KIF17: variants seen among roughly 807,000 people sequenced by gnomAD.
KIF17 encodes the protein kinesin-like protein KIF17.
KIF17 carries 80 observed loss-of-function variants against 96.8 expected under a neutral mutation model. The ratio of observed to expected loss-of-function variants is 0.83; its 90% confidence interval spans 0.69 to 1.00. The LOEUF is 1.00. Ranked by LOEUF, KIF17 falls within the 50% of genes least tolerant of loss-of-function variation. The pLI, the probability that KIF17 is intolerant of heterozygous loss-of-function variation, is 0.00. For missense variants in KIF17, 1,280 were observed against 1,372.9 expected (o/e 0.93, Z 1.07); for synonymous variants, 567 against 587.5 (o/e 0.97, Z 0.51).
chr1:20,677,850 C>T (rs1423332895), intron 11 of KIF17, among the ~76,000 whole-genome samples: 2 of 152,172 alleles, frequency 1.3e-5, no homozygotes, highest in African/African-American at 4.8e-5. Context: ...AGCGAGACTC[C>T]GTCTCAAAAA....
Position 20,664,148 on chromosome 1 carries a change from A to G in KIF17, c.*436T>C. 3.3e-6 allele frequency: 1 copy of G among 302,854 alleles called. No homozygotes were observed. Among genetic ancestry groups the G allele is most frequent in the South Asian group, 3.5e-5 (1 of 28,720 alleles). The allele number at this position is 302,854 out of a possible 1,614,324, so 18.8% of individuals were successfully genotyped here. The stretch of plus-strand genomic sequence containing the variant: ...CACCCCATGGGGCAGGGCAGTGCTT[A>G]GGAAGTGGGGCCAGTCAGACAGAGG... On this transcript the variant is annotated 3_prime_UTR_variant, in exon 15 of 15. Transcript: ENST00000400463.
intron 7 of KIF17, among the ~76,000 whole-genome samples, chr1:20,688,860 C>T (rs1334591708): frequency 6.6e-6 from 1 of 152,228 alleles, no homozygotes; most frequent in African/African-American, 2.4e-5. Flanking sequence ...CTCCCCTTCC[C>T]CTGGGTCTCC....
downstream of KIF17, among the ~76,000 whole-genome samples, chr1:20,662,191 A>G (rs376706638): frequency 2.4e-4 from 36 of 152,348 alleles, no homozygotes; most frequent in African/African-American, 8.2e-4. Context: ...CAGGTTTTGA[A>G]GCACTTAGCG....
chr1:20,717,840 G>T lies in KIF17; in HGVS notation c.-134C>A, dbSNP rs2054612174. 2 of 794,976 alleles carry T rather than the reference G, an allele frequency of 2.5e-6. No individual in the cohort carries two copies. Among genetic ancestry groups the T allele is most frequent in the East Asian group, 4.7e-5 (1 of 21,446 alleles). 49.2% of individuals were successfully genotyped at this position (794,976 alleles called of 1,614,324 possible). Reference sequence around the variant, plus strand: ...CTTGAGGCAGGGGCGGGGCCGCGGCGGGGGGCGGGGACCCCTCGGGGGGCG... The same window carrying T: ...CTTGAGGCAGGGGCGGGGCCGCGGCTGGGGGCGGGGACCCCTCGGGGGGCG... On this transcript the variant is annotated 5_prime_UTR_variant, in exon 1 of 15. Transcript: ENST00000400463.
chr1:20,697,760 G>T (rs1048004687), intron 6 of KIF17, among the ~76,000 whole-genome samples: 1 of 152,034 alleles, frequency 6.6e-6, no homozygotes, highest in Non-Finnish European at 1.5e-5. Context: ...GAGTGGGGGG[G>T]CCCCCGCCAT....
At chr1:20,688,073 G>GCAAGAC in intron 7 of KIF17, 129 bp from the exon 8 acceptor site, 1 of 780,318 alleles carries the variant, frequency 1.3e-6, no homozygotes, top group Non-Finnish European at 2.1e-6. Flanking sequence ...TTGAGACAGA[G>GCAAGAC]TCTTGCTCTG....
chr1:20,715,108 A>G (rs541425619), intron 2 of KIF17, among the ~76,000 whole-genome samples: 13 of 152,334 alleles, frequency 8.5e-5, no homozygotes, highest in Admixed American at 4.6e-4. Context: ...TGGGGTTATC[A>G]GCTACCTCCT....
At position 20,685,432 on chromosome 1, in the gene KIF17, A is replaced by G. The variant is rs1027070012; in HGVS notation, c.2020-412T>C. Reference sequence around the variant, plus strand: ...CACCGTGGCCTCCTTTTCCATTGCTAAGAAAGTCAAGGTCTTTCCAGCCAT... The same window carrying G: ...CACCGTGGCCTCCTTTTCCATTGCTGAGAAAGTCAAGGTCTTTCCAGCCAT... On this transcript the variant is annotated intron_variant, in intron 9 of 14. Coordinates refer to ENST00000400463, the MANE Select transcript of KIF17 (RefSeq NM_001122819.3). This position sits in a 1 kb window ranked among gnomAD's most constrained non-coding sequence, Gnocchi z 4.1. 46 of 382,486 alleles carry G rather than the reference A, an allele frequency of 1.2e-4. 1 individual carries two copies. Among genetic ancestry groups the G allele is most frequent in the African/African-American group, 8.8e-4 (42 of 47,562 alleles). The allele number at this position is 382,486 out of a possible 1,614,324, so 23.7% of individuals were successfully genotyped here.
chr1:20,689,947 C>T (rs1292454686), intron 7 of KIF17, among the ~76,000 whole-genome samples: 1 of 152,174 alleles, frequency 6.6e-6, no homozygotes, highest in Non-Finnish European at 1.5e-5. Flanking sequence ...TGCTTGGGTT[C>T]AAATCCTGGC....
chr1:20,681,554 G>A (rs2154535646), intron 11 of KIF17, among the ~76,000 whole-genome samples: 1 of 152,018 alleles, frequency 6.6e-6, no homozygotes, highest in Non-Finnish European at 1.5e-5. Flanking sequence ...GTGGGGGCGA[G>A]GGGGTGGGGA....
rs1223623017 is a variant in KIF17 at position 20,695,226 on chromosome 1, C to T, written c.1233+3153G>A. Among the ~76,000 whole-genome samples, 25 of 152,150 alleles carry T rather than the reference C, an allele frequency of 1.6e-4. 1 individual carries two copies. The highest frequency in any genetic ancestry group is 6.5e-5 in the Admixed American group (1 of 15,278). On this transcript the variant is annotated intron_variant, in intron 6 of 14. Transcript: ENST00000400463. ...TTTTTGAGTCAGAGTCTCACTCTGT[C>T]GCCCAGGCTGGAGTGCAGTGGCGCC...
intron 8 of KIF17, among the ~76,000 whole-genome samples, chr1:20,686,669 C>T (rs1294151900): frequency 1.3e-5 from 2 of 152,284 alleles, no homozygotes; most frequent in South Asian, 2.1e-4. Flanking sequence ...GATCCTCCTG[C>T]CTCAGCCTCC....
At chr1:20,713,799 C>T (rs890095888) in intron 2 of KIF17, among the ~76,000 whole-genome samples, 5 of 152,094 alleles carry the variant, frequency 3.3e-5, no homozygotes, top group Non-Finnish European at 7.4e-5. Context: ...CTGTCTAATG[C>T]TCTGTCTACA....
intron 4 of KIF17, among the ~76,000 whole-genome samples, chr1:20,706,898 AAG>A (rs1491514138): frequency 3.3e-5 from 5 of 150,390 alleles, no homozygotes; most frequent in African/African-American, 9.8e-5. Context: ...CAAAAAAAAA[AAG>A]AAAGAAAAGT....
intron 6 of KIF17, among the ~76,000 whole-genome samples, chr1:20,698,119 CCT>C (rs911306232): frequency 6.6e-6 from 1 of 152,216 alleles, no homozygotes; most frequent in Non-Finnish European, 1.5e-5. Context: ...CCTCCACACC[CCT>C]CTGTTCTCAC....
At position 20,704,322 on chromosome 1, in the gene KIF17, C is replaced by T. The variant is rs35569152; in HGVS notation, c.1123+125G>A. On this transcript the variant is annotated intron_variant, in intron 5 of 14. Coordinates refer to ENST00000400463, the MANE Select transcript of KIF17 (RefSeq NM_001122819.3). This position sits in a 1 kb window ranked among gnomAD's most constrained non-coding sequence, Gnocchi z 6.8. ...ACCAGGGCCCTGCGCTCACATGGGGCTGAGGGGTGGGAGGATGCTGCTCCC... is the reference window on the plus strand; with the variant it reads ...ACCAGGGCCCTGCGCTCACATGGGGTTGAGGGGTGGGAGGATGCTGCTCCC... 0.037 allele frequency: 30,096 copies of T among 804,556 alleles called. 708 individuals carry two copies. Among genetic ancestry groups the T allele is most frequent in the Non-Finnish European group, 0.046 (22,161 of 479,490 alleles). 49.8% of individuals were successfully genotyped at this position (804,556 alleles called of 1,614,324 possible).
rs539175293 is a variant in KIF17, at chr1:20,709,564, G to A, written c.670+75C>T. On this transcript the variant is annotated intron_variant, in intron 4 of 14. Coordinates refer to ENST00000400463, the MANE Select transcript of KIF17 (RefSeq NM_001122819.3). The surrounding 1 kb of genome is among the most constrained non-coding windows in gnomAD (Gnocchi z 4.7). ...ACTTTCCAGGGGCTCCTGCGGCCCC[G>A]AGAGGTGGCGTGCCTTGGCTAGTGG... 71 of 1,547,870 alleles carry A rather than the reference G, an allele frequency of 4.6e-5. No individual in the cohort carries two copies. The highest frequency in any genetic ancestry group is 3.7e-4 in the African/African-American group (27 of 73,590).
At chr1:20,703,176 T>TGGATGGAC (rs1014455357) in intron 5 of KIF17, among the ~76,000 whole-genome samples, 4 of 147,516 alleles carry the variant, frequency 2.7e-5, no homozygotes, top group African/African-American at 7.5e-5. Context: ...GATGGATGGA[T>TGGATGGAC]GAATGGATGG....
At chr1:20,688,179 T>G (rs926294114) in intron 7 of KIF17, among the ~76,000 whole-genome samples, 1 of 152,198 alleles carries the variant, frequency 6.6e-6, no homozygotes, top group African/African-American at 2.4e-5. Flanking sequence ...CCCGAGTAGC[T>G]GGGAGTACAG....
Sources: allele counts gnomAD v4.1 joint callset (sites outside exome capture counted in the v4.1 genomes callset), GRCh38; gene constraint gnomAD v4.1.1; non-coding constraint Gnocchi (gnomAD v3.1); transcripts MANE v1.5; gene names NCBI Gene and HGNC (gene_info 2026-07-23, HGNC 2026-07-21).